The following CTXND1 variants were observed in gnomAD, a reference collection of about 807,000 sequenced individuals.
CTXND1 encodes the protein cortexin domain containing 1.
chr15:80,230,634 C>A (rs1306613084), intron 1 of CTXND1, among the ~76,000 whole-genome samples: 1 of 152,066 alleles, frequency 6.6e-6, no homozygotes, highest in Non-Finnish European at 1.5e-5. Context: ...GCTTACATCA[C>A]TGATTTTAGA....
chr15:80,217,868 G>A (rs1166687785), intron 1 of CTXND1, among the ~76,000 whole-genome samples: 2 of 152,116 alleles, frequency 1.3e-5, no homozygotes, highest in Non-Finnish European at 2.9e-5. Flanking sequence ...TAAGTAAGGG[G>A]AATTATCTGT....
chr15:80,231,626 G>A (rs1256258139), intron 1 of CTXND1, among the ~76,000 whole-genome samples: 2 of 152,072 alleles, frequency 1.3e-5, no homozygotes, highest in Non-Finnish European at 2.9e-5. Context: ...CTGTATAATC[G>A]TAATTTTGAT....
chr15:80,237,068 G>T (rs1169645729), intron 1 of CTXND1, among the ~76,000 whole-genome samples: 1 of 152,076 alleles, frequency 6.6e-6, no homozygotes, highest in African/African-American at 2.4e-5. Context: ...AGGCGCGGTG[G>T]CTCATGCCTG....
chr15:80,224,621 T>A (rs1258467174), intron 1 of CTXND1, among the ~76,000 whole-genome samples: 1 of 152,248 alleles, frequency 6.6e-6, no homozygotes, highest in Non-Finnish European at 1.5e-5. Flanking sequence ...TGGGATTGTG[T>A]TAAATCTGTA....
chr15:80,212,957 T>C (rs781425448), intron 1 of CTXND1, among the ~76,000 whole-genome samples: 2 of 152,196 alleles, frequency 1.3e-5, no homozygotes, highest in African/African-American at 2.4e-5. Context: ...ACTTCAAAAA[T>C]AGAGGATTAT....
intron 1 of CTXND1, among the ~76,000 whole-genome samples, chr15:80,221,136 G>T (rs550961620): frequency 6.6e-6 from 1 of 152,008 alleles, no homozygotes; most frequent in Admixed American, 6.5e-5. Context: ...GTTTCGATTT[G>T]CTGACCTCGT....
intron 1 of CTXND1, among the ~76,000 whole-genome samples, chr15:80,216,821 G>A (rs1226945672): frequency 6.6e-6 from 1 of 152,020 alleles, no homozygotes; most frequent in East Asian, 1.9e-4. Flanking sequence ...CATCATATTG[G>A]TCAGGCTGGT....
At chr15:80,247,739 G>C (rs1040099280) in intron 1 of CTXND1, among the ~76,000 whole-genome samples, 1 of 152,178 alleles carries the variant, frequency 6.6e-6, no homozygotes, top group African/African-American at 2.4e-5. Flanking sequence ...GGACACCAGG[G>C]AGAGGCAGGA....
intron 1 of CTXND1, among the ~76,000 whole-genome samples, chr15:80,204,169 A>AAAAATATATAT (rs1555443860): frequency 1.5e-5 from 1 of 65,196 alleles, no homozygotes; most frequent in African/African-American, 7.7e-5. Flanking sequence ...AAAAAAAAAA[A>AAAAATATATAT]ATATATATAT....
intron 1 of CTXND1, among the ~76,000 whole-genome samples, chr15:80,251,127 T>C (rs77306418): frequency 0.092 from 13,978 of 152,190 alleles, 824 homozygotes; most frequent in East Asian, 0.18. Context: ...GGAGCTTTTT[T>C]CCTGGGTCCC....
At chr15:80,234,210 C>T (rs925413349) in intron 1 of CTXND1, among the ~76,000 whole-genome samples, 5 of 152,140 alleles carry the variant, frequency 3.3e-5, no homozygotes, top group Admixed American at 3.3e-4. Context: ...TGGGGGAAGG[C>T]TTTGGGGATA....
At chr15:80,234,608 G>A (rs1893472061) in intron 1 of CTXND1, among the ~76,000 whole-genome samples, 1 of 151,910 alleles carries the variant, frequency 6.6e-6, no homozygotes, top group Non-Finnish European at 1.5e-5. Context: ...CTCCTGAGTA[G>A]CTGGGAATAC....
rs60396497 is a variant in CTXND1, at chr15:80,247,212, A to G, written c.-218+4795T>C. Reference sequence around the variant, plus strand: ...CCAAGGCTCCATAATTTGTGAATCCAACTGCTAAGGTGTTGATGACTAGAT... The same window carrying G: ...CCAAGGCTCCATAATTTGTGAATCCGACTGCTAAGGTGTTGATGACTAGAT... On this transcript the variant is annotated intron_variant, in intron 1 of 2. Coordinates refer to ENST00000560778, the MANE Select transcript of CTXND1 (RefSeq NM_001352888.2). 5.6e-3 allele frequency among the ~76,000 whole-genome samples: 847 copies of G among 152,240 alleles called. 11 individuals carry two copies. The highest frequency in any genetic ancestry group is 0.019 in the African/African-American group (784 of 41,514).
At chr15:80,238,181 C>A (rs1342757563) in intron 1 of CTXND1, among the ~76,000 whole-genome samples, 2 of 152,126 alleles carry the variant, frequency 1.3e-5, no homozygotes, top group African/African-American at 4.8e-5. Flanking sequence ...CTAGGCCAAA[C>A]TCACCCACCA....
intron 1 of CTXND1, among the ~76,000 whole-genome samples, chr15:80,230,447 C>T (rs1893415902): frequency 6.6e-6 from 1 of 152,152 alleles, no homozygotes; most frequent in Admixed American, 6.5e-5. Flanking sequence ...TGGTAATATT[C>T]TTTCTCATTT....
chr15:80,238,008 CAAAAAAAAAAAAA>C (rs57718635), intron 1 of CTXND1, among the ~76,000 whole-genome samples: 1 of 77,136 alleles, frequency 1.3e-5, no homozygotes, highest in Non-Finnish European at 2.4e-5. Context: ...GACTCCATCT[CAAAAAAAAAAAAA>C]AAAAAAAAAT....
chr15:80,240,361 G>C (rs1002493094), intron 1 of CTXND1, among the ~76,000 whole-genome samples: 4 of 152,278 alleles, frequency 2.6e-5, no homozygotes, highest in Non-Finnish European at 5.9e-5. Context: ...GGAAGACCAA[G>C]GTCTCCCTCT....
intron 1 of CTXND1, among the ~76,000 whole-genome samples, chr15:80,248,763 T>C (rs1433595746): frequency 1.3e-5 from 2 of 152,176 alleles, no homozygotes; most frequent in African/African-American, 2.4e-5. Context: ...TTGTCAGCTA[T>C]TAATAATATC....
intron 1 of CTXND1, among the ~76,000 whole-genome samples, chr15:80,241,682 T>G (rs574579662): frequency 6.6e-6 from 1 of 152,290 alleles, no homozygotes; most frequent in African/African-American, 2.4e-5. Context: ...AGAGCTGAGA[T>G]GATGGAACGG....
Sources: gnomAD v4.1 joint callset for allele counts (sites outside exome capture counted in the v4.1 genomes callset) on GRCh38, gnomAD v4.1.1 for gene constraint, MANE v1.5 for transcripts, NCBI Gene and HGNC (gene_info 2026-07-23, HGNC 2026-07-21) for gene names.